CCDC171: variants seen among roughly 807,000 people sequenced by gnomAD.
The protein encoded by CCDC171 is coiled-coil domain-containing protein 171.
Under a neutral mutation model 168.2 loss-of-function variants are expected in CCDC171, and 177 were observed. That is an observed-to-expected ratio of 1.05 (90% CI 0.93 to 1.19). The LOEUF (loss-of-function observed/expected upper bound fraction) is 1.19, where lower values mean the gene tolerates loss of function less well. CCDC171 is among the 50% of genes most tolerant of loss of function. The pLI, the probability that CCDC171 is intolerant of heterozygous loss-of-function variation, is 0.00. For synonymous variants in CCDC171, 687 were observed against 540.8 expected, an observed-to-expected ratio of 1.27 and a Z score of -3.75; for missense variants, 1,991 against 1,539.0, an observed-to-expected ratio of 1.29 and a Z score of -4.91.
intron 24 of CCDC171, among the ~76,000 whole-genome samples, chr9:15,888,753 C>T (rs1413997310): frequency 6.6e-6 from 1 of 151,938 alleles, no homozygotes; most frequent in East Asian, 1.9e-4. Context: ...TTTCATCATT[C>T]AGACCCAAAT....
At chr9:15,906,483 T>A (rs1182394928) in intron 24 of CCDC171, among the ~76,000 whole-genome samples, 1 of 152,200 alleles carries the variant, frequency 6.6e-6, no homozygotes. Context: ...CGCTTCATGC[T>A]AAAAACTCTC....
chr9:16,093,867 T>G, the CCDC171 span, among the ~76,000 whole-genome samples: 1 of 152,268 alleles, frequency 6.6e-6, no homozygotes, highest in East Asian at 1.9e-4. Context: ...TGTGTTCCTA[T>G]AGTAATATAG....
intron 25 of CCDC171, among the ~76,000 whole-genome samples, chr9:15,955,773 A>G (rs559899764): frequency 6.6e-4 from 101 of 152,236 alleles, no homozygotes; most frequent in Non-Finnish European, 9.7e-4. Context: ...GCTGCACTAT[A>G]TTATATTACA....
intron 1 of CCDC171, among the ~76,000 whole-genome samples, chr9:16,047,646 AG>A (rs1833682076): frequency 6.6e-6 from 1 of 152,188 alleles, no homozygotes; most frequent in African/African-American, 2.4e-5. Context: ...AGACACACAA[AG>A]TCCTTTGTTA....
At chr9:15,639,794 T>A (rs1032746561) in intron 7 of CCDC171, among the ~76,000 whole-genome samples, 5 of 152,198 alleles carry the variant, frequency 3.3e-5, no homozygotes, top group African/African-American at 9.6e-5. Context: ...TATGAGCCTG[T>A]TTATGTAAAA....
At chr9:15,787,607 G>C (rs941053474) in intron 21 of CCDC171, among the ~76,000 whole-genome samples, 14 of 151,772 alleles carry the variant, frequency 9.2e-5, no homozygotes, top group African/African-American at 3.4e-4. Context: ...TAAATGTTAC[G>C]CACATATCTG....
intron 6 of CCDC171, among the ~76,000 whole-genome samples, chr9:15,605,490 C>T (rs548102817): frequency 2.4e-3 from 329 of 137,826 alleles, no homozygotes; most frequent in African/African-American, 8.7e-3. Flanking sequence ...CCATCCTGGC[C>T]AACACTGTGA....
intron 21 of CCDC171, among the ~76,000 whole-genome samples, chr9:15,794,889 G>T (rs892488829): frequency 6.6e-6 from 1 of 152,138 alleles, no homozygotes; most frequent in African/African-American, 2.4e-5. Flanking sequence ...GGGACTTTTA[G>T]ATCTGTAGTC....
chr9:15,683,920 T>A (rs931566124), intron 10 of CCDC171, among the ~76,000 whole-genome samples: 8 of 152,072 alleles, frequency 5.3e-5, no homozygotes, highest in African/African-American at 7.2e-5. Context: ...GGGTAACATT[T>A]CATTATGTGA....
intron 23 of CCDC171, among the ~76,000 whole-genome samples, chr9:15,871,634 C>T (rs367834384): frequency 6.6e-5 from 10 of 151,934 alleles, no homozygotes; most frequent in African/African-American, 2.4e-4. Context: ...ATGTTAGTTA[C>T]TTTGTTCTCA....
chr9:15,955,053 T>G (rs1829648007), intron 25 of CCDC171, among the ~76,000 whole-genome samples: 1 of 152,170 alleles, frequency 6.6e-6, no homozygotes, highest in Non-Finnish European at 1.5e-5. Flanking sequence ...AATAATATAG[T>G]AACTCTGGAA....
chr9:16,016,784 CTAATG>C (rs1833034123), intron 3 of CCDC171, among the ~76,000 whole-genome samples: 1 of 152,196 alleles, frequency 6.6e-6, no homozygotes, highest in Admixed American at 6.5e-5. Context: ...ACCTTCTACT[CTAATG>C]TAATGAATAA....
intron 25 of CCDC171, among the ~76,000 whole-genome samples, chr9:15,969,059 A>G (rs1187820556): frequency 6.6e-6 from 1 of 152,110 alleles, no homozygotes; most frequent in Non-Finnish European, 1.5e-5. Flanking sequence ...ATCTCTGGAG[A>G]TTCTTTAGAT....
In CCDC171 at chr9:15,859,622, C is replaced by T. The variant is rs531828880; in HGVS notation, c.3468+10675C>T. On this transcript the variant is annotated intron_variant, in intron 23 of 25. Transcript: ENST00000380701. ...CTCTTTCTGCCTTTCCCCCTCTGCC[C>T]CCACCCCCCGAATCTTTTTGTTTTG... 8.1e-4 allele frequency among the ~76,000 whole-genome samples: 117 copies of T among 144,888 alleles called. No homozygotes were observed. In the South Asian group the frequency reaches 0.02, roughly 24 times the overall value.
At chr9:15,611,880 A>G (rs1292498041) in intron 6 of CCDC171, among the ~76,000 whole-genome samples, 1 of 152,054 alleles carries the variant, frequency 6.6e-6, no homozygotes, top group Non-Finnish European at 1.5e-5. Context: ...CTAAATTTGT[A>G]TGTTGAAACC....
In CCDC171 at chr9:15,591,551, C is replaced by G; in HGVS notation, c.538C>G (p.Leu180Val). The G allele has an allele frequency of 6.6e-7, 1 of 1,523,670 alleles. No individual in the cohort carries two copies. The highest frequency in any genetic ancestry group is 8.9e-7 in the Non-Finnish European group (1 of 1,122,210). 94.4% of individuals were successfully genotyped at this position (1,523,670 alleles called of 1,614,324 possible). ...AGAAAAAAGCAGACTAGAGAAAACT[C>G]TACAGGTAAAATAGTTTTTATAAAG... ...MKEKSRLEKT[L>V]QEALEKHQRE... is the part of the protein sequence containing the mutation. Residue 180 changes from leucine (L) to valine (V), a missense_variant, in exon 5 of 26, where the codon CTA becomes GTA. Leu to Val is a conservative substitution (Grantham distance 32). Transcript: ENST00000380701.
At chr9:15,643,786 G>T (rs546425438) in intron 7 of CCDC171, among the ~76,000 whole-genome samples, 2 of 152,188 alleles carry the variant, frequency 1.3e-5, no homozygotes, top group East Asian at 3.9e-4. Flanking sequence ...CTCTGGATTT[G>T]CCTATTCTGG....
intron 23 of CCDC171, chr9:15,850,251 A>G (rs2061070584): frequency 6.6e-6 from 1 of 151,980 alleles, no homozygotes; most frequent in Non-Finnish European, 1.5e-5. Flanking sequence ...AAAGAGTTAG[A>G]TAGCAGCTAA....
chr9:15,652,642 T>C (rs946075966), intron 7 of CCDC171, among the ~76,000 whole-genome samples: 1 of 152,226 alleles, frequency 6.6e-6, no homozygotes, highest in African/African-American at 2.4e-5. Context: ...GGTTTTACTA[T>C]GTTGCCCAGG....
Sources: gnomAD v4.1 joint callset for allele counts (sites outside exome capture counted in the v4.1 genomes callset) on GRCh38, gnomAD v4.1.1 for gene constraint, MANE v1.5 for transcripts, NCBI Gene and HGNC (gene_info 2026-07-23, HGNC 2026-07-21) for gene names.